GLB1: variants seen among roughly 807,000 people sequenced by gnomAD.
The protein encoded by GLB1 is beta-galactosidase.
In GLB1, 56 loss-of-function variants were observed where a neutral mutation model predicts 74.0. The observed-to-expected ratio is 0.76, with a 90% CI of 0.61 to 0.94. GLB1 has a LOEUF of 0.94. GLB1 is among the 40% of genes least tolerant of loss of function. The probability of loss-of-function intolerance (pLI) is 0.00; values close to 1 mark genes in which losing one functional copy is unlikely to be tolerated. For missense variants in GLB1, 787 were observed against 845.5 expected, an observed-to-expected ratio of 0.93 and a Z score of 0.86; for synonymous variants, 323 against 323.6, an observed-to-expected ratio of 1.00 and a Z score of 0.02.
the GLB1 span, among the ~76,000 whole-genome samples, chr3:32,974,316 G>A: frequency 6.6e-6 from 1 of 152,094 alleles, no homozygotes; most frequent in Admixed American, 6.6e-5. Flanking sequence ...TCCTGGAGAG[G>A]GGGAGGGAGG....
At chr3:33,076,727 C>T (rs116655498) in intron 1 of GLB1, among the ~76,000 whole-genome samples, 1,781 of 152,294 alleles carry the variant, frequency 0.012, 42 homozygotes, top group African/African-American at 0.039. Flanking sequence ...TGTATATTAA[C>T]ACCTATCAGT....
intron 1 of GLB1, chr3:33,096,657 T>C: frequency 8.9e-7 from 1 of 1,119,706 alleles, no homozygotes; most frequent in South Asian, 2.7e-5. Context: ...GGAGGCACCC[T>C]CTAACCCGCG....
intron 1 of GLB1, chr3:33,077,197 G>A (rs1483488970): frequency 8.0e-6 from 12 of 1,499,030 alleles, no homozygotes; most frequent in African/African-American, 1.4e-5. Flanking sequence ...AGACTTAGGC[G>A]CTTGCCGTGG....
intron 15 of GLB1, among the ~76,000 whole-genome samples, chr3:33,011,457 A>C (rs1282286716): frequency 7.0e-6 from 1 of 142,548 alleles, no homozygotes; most frequent in Non-Finnish European, 1.5e-5. Flanking sequence ...ATAAAAAAAA[A>C]ACAAAAAATA....
intron 5 of GLB1, among the ~76,000 whole-genome samples, chr3:33,062,827 T>C (rs544569962): frequency 1.2e-4 from 18 of 152,314 alleles, no homozygotes; most frequent in African/African-American, 4.3e-4. Flanking sequence ...AATTACTGTC[T>C]ACAAATCCCC....
chr3:33,094,618 T>C (rs1003924814), intron 1 of GLB1, among the ~76,000 whole-genome samples: 7 of 152,214 alleles, frequency 4.6e-5, no homozygotes, highest in African/African-American at 1.7e-4. Context: ...GGGGTCCAAT[T>C]AGTCAAAACT....
intron 2 of GLB1, among the ~76,000 whole-genome samples, chr3:33,070,515 A>G (rs983344823): frequency 6.6e-6 from 1 of 152,166 alleles, no homozygotes; most frequent in Admixed American, 6.5e-5. Context: ...CAACAACAGA[A>G]AACTCCAGAG....
chr3:33,033,263 T>C (rs4234262), intron 10 of GLB1, among the ~76,000 whole-genome samples: 141,918 of 152,292 alleles, frequency 0.93, 66,952 homozygotes, highest in East Asian at 1. Context: ...CCAAAAATTA[T>C]AGCTCATATA....
At chr3:33,077,478 G>C in intron 1 of GLB1, 1 of 717,920 alleles carries the variant, frequency 1.4e-6, no homozygotes, top group South Asian at 1.6e-5. Flanking sequence ...CAGCAGTCAG[G>C]GGGTGTCTAC....
At chr3:33,064,776 CAAA>C (rs36181668) in intron 5 of GLB1, among the ~76,000 whole-genome samples, 6 of 64,538 alleles carry the variant, frequency 9.3e-5, no homozygotes, top group African/African-American at 2.5e-4. Flanking sequence ...GACTCTCTCT[CAAA>C]AAAAAAAAAA....
rs573360684 is a variant in GLB1 at position 33,022,040 on chromosome 3, T to C, written c.1144-385A>G. 1.4e-3 allele frequency among the ~76,000 whole-genome samples: 206 copies of C among 152,280 alleles called. 1 individual carries two copies. Among genetic ancestry groups the C allele is most frequent in the African/African-American group, 4.8e-3 (201 of 41,546 alleles). The stretch of plus-strand genomic sequence containing the variant: ...GTAAAAGTAGTAACCAGAGGCCAGT[T>C]ACATTCAACTAAGATTAGACATGCT... On this transcript the variant is annotated intron_variant, in intron 11 of 15. Transcript: ENST00000307363.
At chr3:32,962,168 T>C in the GLB1 span, among the ~76,000 whole-genome samples, 8 of 145,622 alleles carry the variant, frequency 5.5e-5, no homozygotes, top group Non-Finnish European at 1.2e-4. Context: ...CACTTCAGCC[T>C]GGGCGACAGA....
At chr3:32,990,076 C>G in the GLB1 span, among the ~76,000 whole-genome samples, 1 of 152,308 alleles carries the variant, frequency 6.6e-6, no homozygotes, top group East Asian at 1.9e-4. Flanking sequence ...GCTCTGATCC[C>G]TGCATCTCTC....
At chr3:33,096,382 C>T (rs1701027717) in intron 1 of GLB1, 1 of 982,428 alleles carries the variant, frequency 1.0e-6, no homozygotes, top group African/African-American at 1.8e-5. Flanking sequence ...ATGGCATCCC[C>T]CGGCAGCCTG....
At chr3:32,973,541 C>T in the GLB1 span, among the ~76,000 whole-genome samples, 2 of 151,994 alleles carry the variant, frequency 1.3e-5, no homozygotes, top group Non-Finnish European at 2.9e-5. Context: ...CGGGGTTTTG[C>T]CACATTCGAG....
In GLB1 at chr3:33,085,694, A is replaced by T. The variant is rs78279273; in HGVS notation, c.75+11317T>A. Among the ~76,000 whole-genome samples, 787 of 145,634 alleles carry T rather than the reference A, an allele frequency of 5.4e-3. 4 individuals are homozygous for T. The highest frequency in any genetic ancestry group is 8.7e-3 in the Non-Finnish European group (575 of 65,796). ...AAGATGTACAAAACAGGGCTAGATT[A>T]AAAAAAAAAACAAAACTATTAGGGT... On this transcript the variant is annotated intron_variant, in intron 1 of 15. Transcript: ENST00000307363.
Position 33,021,548 on chromosome 3 carries a change from T to C in GLB1, c.1233+18A>G. 1.9e-6 allele frequency: 3 copies of C among 1,612,298 alleles called. 1 individual carries two copies. The highest frequency in any genetic ancestry group is 2.5e-6 in the Non-Finnish European group (3 of 1,179,250). On this transcript the variant is annotated intron_variant, in intron 12 of 15. Coordinates refer to ENST00000307363, the MANE Select transcript of GLB1 (RefSeq NM_000404.4). ...TTGCAAGTAGAAAAAAGGCGAGGCA[T>C]TACCTTTGAAGGCCTACCTGTTTCA... is the stretch of plus-strand genomic sequence containing the variant.
intron 10 of GLB1, chr3:33,045,234 A>C: frequency 5.0e-6 from 3 of 601,238 alleles, no homozygotes; most frequent in Non-Finnish European, 6.2e-6. Context: ...TGATTTGCTC[A>C]TAGACTCACT....
the GLB1 span, among the ~76,000 whole-genome samples, chr3:32,978,279 A>G: frequency 6.6e-6 from 1 of 152,202 alleles, no homozygotes; most frequent in Non-Finnish European, 1.5e-5. Flanking sequence ...GATTCTTAGC[A>G]CATTCGGCAT....
Sources: gnomAD v4.1 joint callset for allele counts (sites outside exome capture counted in the v4.1 genomes callset) on GRCh38, gnomAD v4.1.1 for gene constraint, MANE v1.5 for transcripts, NCBI Gene and HGNC (gene_info 2026-07-23, HGNC 2026-07-21) for gene names.